Variants in ZNF407 observed in about 807,000 individuals in gnomAD.
ZNF407 encodes zinc finger protein 407.
In ZNF407, 17 loss-of-function variants were observed where a neutral mutation model predicts 131.2. That is an observed-to-expected ratio of 0.13 (90% CI 0.09 to 0.19). The LOEUF (loss-of-function observed/expected upper bound fraction) is 0.19. Ranked by LOEUF, ZNF407 falls within the 10% of genes least tolerant of loss-of-function variation. The pLI is 1.00. For missense variants in ZNF407, 2,681 were observed against 2,830.6 expected, an observed-to-expected ratio of 0.95 and a Z score of 1.20; for synonymous variants, 1,156 against 1,062.0, an observed-to-expected ratio of 1.09 and a Z score of -1.72.
intron 3 of ZNF407, among the ~76,000 whole-genome samples, chr18:74,750,092 G>A (rs1968764600): frequency 6.6e-6 from 1 of 152,012 alleles, no homozygotes; most frequent in Admixed American, 6.6e-5. Flanking sequence ...TTCTCAGACT[G>A]GTTTACATTT....
intron 4 of ZNF407, among the ~76,000 whole-genome samples, chr18:74,853,487 T>G (rs1006668362): frequency 5.3e-5 from 8 of 152,222 alleles, no homozygotes; most frequent in Admixed American, 1.3e-4. Flanking sequence ...AGTTGTCTTC[T>G]TTGCATCGTT....
intron 1 of ZNF407, among the ~76,000 whole-genome samples, chr18:74,630,222 G>T (rs1028673832): frequency 6.6e-6 from 1 of 150,948 alleles, no homozygotes; most frequent in Non-Finnish European, 1.5e-5. Flanking sequence ...CCAGGCTGGG[G>T]TGCAGTGGTG....
At chr18:74,929,481 A>C (rs1971956774) in intron 8 of ZNF407, among the ~76,000 whole-genome samples, 1 of 152,196 alleles carries the variant, frequency 6.6e-6, no homozygotes, top group South Asian at 2.1e-4. Context: ...ATTGATTGTG[A>C]AAAGTTATAG....
chr18:74,778,883 A>G (rs895809089), intron 3 of ZNF407, among the ~76,000 whole-genome samples: 1 of 152,014 alleles, frequency 6.6e-6, no homozygotes, highest in African/African-American at 2.4e-5. Context: ...AGGCATGCCA[A>G]TTGGCTAGCT....
At chr18:74,851,972 G>C (rs1970790435) in intron 4 of ZNF407, among the ~76,000 whole-genome samples, 1 of 152,192 alleles carries the variant, frequency 6.6e-6, no homozygotes, top group African/African-American at 2.4e-5. Flanking sequence ...AGAGACATCA[G>C]AGCGCATGCA....
At chr18:74,998,779 AG>A (rs1972807417) in intron 8 of ZNF407, among the ~76,000 whole-genome samples, 1 of 96,824 alleles carries the variant, frequency 1.0e-5, no homozygotes, top group Non-Finnish European at 2.0e-5. Flanking sequence ...CCATTGTGGA[AG>A]TCAGTGTGGC....
intron 3 of ZNF407, among the ~76,000 whole-genome samples, chr18:74,780,824 TTAAG>T (rs1044775526): frequency 5.9e-5 from 9 of 152,154 alleles, no homozygotes; most frequent in African/African-American, 2.2e-4. Flanking sequence ...CAAAATTGAA[TTAAG>T]TAAGCTGATT....
intron 7 of ZNF407, among the ~76,000 whole-genome samples, chr18:74,904,547 G>C (rs1299101999): frequency 6.6e-6 from 1 of 152,160 alleles, no homozygotes; most frequent in African/African-American, 2.4e-5. Flanking sequence ...TTCCTGAAAT[G>C]CTAAATTCTG....
intron 1 of ZNF407, among the ~76,000 whole-genome samples, chr18:74,623,078 C>T (rs927559867): frequency 6.7e-6 from 1 of 148,666 alleles, no homozygotes; most frequent in Non-Finnish European, 1.5e-5. Flanking sequence ...ATGTGTGTAT[C>T]TGTATCAGTG....
chr18:74,930,271 A>G (rs1168226108), intron 8 of ZNF407, among the ~76,000 whole-genome samples: 5 of 152,328 alleles, frequency 3.3e-5, no homozygotes, highest in Non-Finnish European at 5.9e-5. Context: ...AATTGAAGTC[A>G]TTTAAGAAAA....
chr18:74,847,881 A>G (rs1327472207), intron 4 of ZNF407, among the ~76,000 whole-genome samples: 1 of 151,268 alleles, frequency 6.6e-6, no homozygotes, highest in Non-Finnish European at 1.5e-5. Flanking sequence ...TACCCAGCAC[A>G]GTGTTTTCAT....
At chr18:74,912,242 T>C (rs1470646209) in intron 7 of ZNF407, among the ~76,000 whole-genome samples, 1 of 152,184 alleles carries the variant, frequency 6.6e-6, no homozygotes, top group African/African-American at 2.4e-5. Context: ...CATAGTGATA[T>C]TAATTTATTA....
intron 3 of ZNF407, among the ~76,000 whole-genome samples, chr18:74,726,815 T>C (rs1200601343): frequency 6.6e-6 from 1 of 152,186 alleles, no homozygotes; most frequent in East Asian, 1.9e-4. Context: ...CTGGATTCAT[T>C]ATGCTCAGTA....
At chr18:74,668,262 G>A (rs1986008018) in intron 3 of ZNF407, among the ~76,000 whole-genome samples, 1 of 152,264 alleles carries the variant, frequency 6.6e-6, no homozygotes, top group East Asian at 1.9e-4. Context: ...ATGTGTATAG[G>A]TATTTGTGAA....
chr18:74,708,188 C>A lies in ZNF407; in HGVS notation c.4802+67066C>A, dbSNP rs192199233. Among the ~76,000 whole-genome samples, 12 of 152,246 alleles carry A rather than the reference C, an allele frequency of 7.9e-5. No individual in the cohort carries two copies. In the East Asian group the frequency reaches 2.3e-3, roughly 29 times the overall value. On this transcript the variant is annotated intron_variant, in intron 3 of 8. Transcript: ENST00000299687. ...TATATTTGTTTCAGTACAACTATTA[C>A]AATTATGTTCAAAGATAGAGTTACT...
intron 7 of ZNF407, chr18:74,905,363 CAGGT>C (rs1246134725): frequency 6.6e-6 from 1 of 152,238 alleles, no homozygotes; most frequent in African/African-American, 2.4e-5. Flanking sequence ...TAGATGTGCA[CAGGT>C]TTCCTGCGGG....
intron 4 of ZNF407, among the ~76,000 whole-genome samples, chr18:74,835,242 G>A (rs572473932): frequency 6.6e-6 from 1 of 152,216 alleles, no homozygotes; most frequent in Non-Finnish European, 1.5e-5. Flanking sequence ...CCATCGGAGT[G>A]TGGGAGACTC....
chr18:75,032,452 T>A (rs1160104784), intron 8 of ZNF407, among the ~76,000 whole-genome samples: 1 of 152,192 alleles, frequency 6.6e-6, no homozygotes, highest in Non-Finnish European at 1.5e-5. Context: ...TATGCTTTTG[T>A]TGTGTTCAAA....
intron 3 of ZNF407, among the ~76,000 whole-genome samples, chr18:74,778,633 T>G (rs1969525420): frequency 1.3e-5 from 2 of 152,158 alleles, no homozygotes; most frequent in South Asian, 4.1e-4. Context: ...AATATGTAAA[T>G]TAAATGCATG....
Sources: gnomAD v4.1 joint callset for allele counts (sites outside exome capture counted in the v4.1 genomes callset) on GRCh38, gnomAD v4.1.1 for gene constraint, MANE v1.5 for transcripts, NCBI Gene and HGNC (gene_info 2026-07-23, HGNC 2026-07-21) for gene names.